The following ZNRF1 variants were observed in gnomAD, a reference collection of about 807,000 sequenced individuals.
ZNRF1 encodes the protein zinc and ring finger 1.
A neutral mutation model predicts 18.4 loss-of-function variants in ZNRF1; 3 were observed. The ratio of observed to expected loss-of-function variants is 0.16; its 90% CI spans 0.07 to 0.42. The LOEUF (loss-of-function observed/expected upper bound fraction) is 0.42. ZNRF1 is among the 10% of genes least tolerant of loss of function. ZNRF1 has a pLI of 0.99. For missense variants in ZNRF1, 310 were observed against 329.8 expected, an observed-to-expected ratio of 0.94 and a Z score of 0.47; for synonymous variants, 157 against 144.2, an observed-to-expected ratio of 1.09 and a Z score of -0.64.
At chr16:75,059,230 T>TTTC (rs2035710291) in intron 1 of ZNRF1, among the ~76,000 whole-genome samples, 1 of 18,202 alleles carries the variant, frequency 5.5e-5, no homozygotes, top group Non-Finnish European at 1.0e-4. Flanking sequence ...TCTTTCTTTC[T>TTTC]TTTTTTTTTT....
chr16:75,045,322 T>C (rs1041816786), intron 1 of ZNRF1, among the ~76,000 whole-genome samples: 1 of 152,186 alleles, frequency 6.6e-6, no homozygotes. Flanking sequence ...TTATGGTTTT[T>C]TGTTAGGTGC....
chr16:75,024,089 C>G (rs1241639964), intron 1 of ZNRF1, among the ~76,000 whole-genome samples: 1 of 151,984 alleles, frequency 6.6e-6, no homozygotes, highest in Non-Finnish European at 1.5e-5. Flanking sequence ...AGGCTGGTCT[C>G]GAACTCCTGA....
chr16:75,064,009 G>A (rs2035772515), intron 1 of ZNRF1, among the ~76,000 whole-genome samples: 1 of 152,140 alleles, frequency 6.6e-6, no homozygotes, highest in Admixed American at 6.6e-5. Context: ...TAAAGAGACA[G>A]GGTTTTGGCC....
intron 1 of ZNRF1, among the ~76,000 whole-genome samples, chr16:75,001,888 C>A (rs996836170): frequency 1.3e-5 from 2 of 151,938 alleles, no homozygotes; most frequent in African/African-American, 4.8e-5. Flanking sequence ...TATTTTTTTT[C>A]ATCCGATCAT....
chr16:75,068,685 G>A (rs1462719734), intron 1 of ZNRF1, among the ~76,000 whole-genome samples: 1 of 151,902 alleles, frequency 6.6e-6, no homozygotes, highest in Non-Finnish European at 1.5e-5. Flanking sequence ...GAGCAGGGCT[G>A]GGGCTGGCCC....
chr16:75,065,989 A>T (rs2035798737), intron 1 of ZNRF1, among the ~76,000 whole-genome samples: 1 of 152,144 alleles, frequency 6.6e-6, no homozygotes, highest in African/African-American at 2.4e-5. Context: ...GAGTGTATGG[A>T]CTTGGCCAAG....
chr16:75,092,805 G>A (rs1249782053), intron 1 of ZNRF1, among the ~76,000 whole-genome samples: 2 of 152,168 alleles, frequency 1.3e-5, no homozygotes, highest in Non-Finnish European at 2.9e-5. Flanking sequence ...TGGCATGGGC[G>A]GCTGAGGCTG....
At chr16:75,081,242 C>G (rs898008448) in intron 1 of ZNRF1, among the ~76,000 whole-genome samples, 5 of 152,206 alleles carry the variant, frequency 3.3e-5, no homozygotes, top group African/African-American at 4.8e-5. Context: ...AAGCTGCAAA[C>G]AGGCAGTTCC....
chr16:75,056,625 C>T (rs1006941826), intron 1 of ZNRF1, among the ~76,000 whole-genome samples: 4 of 144,990 alleles, frequency 2.8e-5, no homozygotes, highest in Non-Finnish European at 3.1e-5. Flanking sequence ...ATGGAAAAAC[C>T]TTTTTTTTTT....
intron 1 of ZNRF1, among the ~76,000 whole-genome samples, chr16:75,043,058 A>C (rs1191253595): frequency 3.3e-5 from 5 of 152,220 alleles, no homozygotes; most frequent in African/African-American, 1.2e-4. Flanking sequence ...TTGGCACTCC[A>C]AAAATACTTG....
intron 1 of ZNRF1, among the ~76,000 whole-genome samples, chr16:75,002,886 A>C (rs1015631483): frequency 6.6e-6 from 1 of 152,162 alleles, no homozygotes; most frequent in Non-Finnish European, 1.5e-5. Flanking sequence ...CTGATCCCTT[A>C]GGGCTTAGAG....
intron 2 of ZNRF1, among the ~76,000 whole-genome samples, chr16:75,103,756 G>A (rs781238592): frequency 6.6e-6 from 1 of 152,164 alleles, no homozygotes; most frequent in African/African-American, 2.4e-5. Flanking sequence ...GGAGGCCAAG[G>A]TGGGTGGATC....
At chr16:75,022,602 A>G (rs1240278961) in intron 1 of ZNRF1, among the ~76,000 whole-genome samples, 2 of 152,172 alleles carry the variant, frequency 1.3e-5, no homozygotes, top group Admixed American at 1.3e-4. Flanking sequence ...AATTAATTAA[A>G]ATAAATAAAT....
At chr16:75,025,258 T>C (rs2035205611) in intron 1 of ZNRF1, among the ~76,000 whole-genome samples, 1 of 151,968 alleles carries the variant, frequency 6.6e-6, no homozygotes, top group African/African-American at 2.4e-5. Context: ...TTAGTAGAGA[T>C]AGGGTTTCAC....
rs954584326 is a variant in ZNRF1 at position 75,062,128 on chromosome 16, C to G, written c.425-31444C>G. ...ATCTAAGCAAATGGTTGTTCAGTCACTTCAGAAGAATCGAGACAACTTACA... is the reference window on the plus strand; with the variant it reads ...ATCTAAGCAAATGGTTGTTCAGTCAGTTCAGAAGAATCGAGACAACTTACA... On this transcript the variant is annotated intron_variant, in intron 1 of 4. Coordinates refer to ENST00000335325, the MANE Select transcript of ZNRF1 (RefSeq NM_032268.5). 7.8e-4 allele frequency among the ~76,000 whole-genome samples: 119 copies of G among 152,240 alleles called. 1 individual carries two copies. The highest frequency in any genetic ancestry group is 2.7e-3 in the African/African-American group (112 of 41,464).
chr16:75,058,161 G>A (rs187434776), intron 1 of ZNRF1, among the ~76,000 whole-genome samples: 1 of 150,660 alleles, frequency 6.6e-6, no homozygotes, highest in African/African-American at 2.4e-5. Flanking sequence ...GAGACGGGGG[G>A]GTGGTCTCAC....
At chr16:75,003,890 T>A (rs937914895) in intron 1 of ZNRF1, among the ~76,000 whole-genome samples, 4 of 152,138 alleles carry the variant, frequency 2.6e-5, no homozygotes, top group African/African-American at 9.7e-5. Flanking sequence ...CAAAGGACAT[T>A]CTAAATGGAG....
At chr16:75,004,219 C>A (rs936578624) in intron 1 of ZNRF1, among the ~76,000 whole-genome samples, 6 of 152,104 alleles carry the variant, frequency 3.9e-5, no homozygotes, top group Admixed American at 1.3e-4. Context: ...TAAAGTCTGG[C>A]CTGCATTAGT....
At chr16:75,079,343 G>C (rs142854041) in intron 1 of ZNRF1, among the ~76,000 whole-genome samples, 7 of 152,304 alleles carry the variant, frequency 4.6e-5, no homozygotes, top group African/African-American at 1.7e-4. Flanking sequence ...CGCTGGGCAT[G>C]GTGGCACACG....
Sources: gnomAD v4.1 joint callset for allele counts (sites outside exome capture counted in the v4.1 genomes callset) on GRCh38, gnomAD v4.1.1 for gene constraint, MANE v1.5 for transcripts, NCBI Gene and HGNC (gene_info 2026-07-23, HGNC 2026-07-21) for gene names.